The following ABLIM1 variants were observed in gnomAD, a reference collection of about 807,000 sequenced individuals.
ABLIM1 encodes actin binding LIM protein 1.
ABLIM1 carries 40 observed loss-of-function variants against 107.0 expected under a neutral mutation model. That is an observed-to-expected ratio of 0.37 (90% CI 0.29 to 0.49). The LOEUF is 0.49. Ranked by LOEUF, ABLIM1 falls within the 20% of genes least tolerant of loss-of-function variation. The pLI is 0.97. For missense variants in ABLIM1, 857 were observed against 1,008.5 expected (o/e 0.85, Z 2.04); for synonymous variants, 357 against 357.3 (o/e 1.00, Z 0.01).
Position 114,437,909 on chromosome 10 carries a change from T to C in ABLIM1, c.2158A>G (p.Met720Val), listed in dbSNP as rs2059654070. 6.2e-7 allele frequency: 1 copy of C among 1,613,992 alleles called. No individual in the cohort carries two copies. The highest frequency in any genetic ancestry group is 1.3e-5 in the African/African-American group (1 of 75,020). The change falls in exon 22 of 23, where the codon ATG (methionine) becomes GTG (valine). Residue 720 changes from methionine to valine, a missense_variant. By Grantham distance (21) the Met-to-Val change is conservative. This residue lies in a region of ABLIM1 where 193 missense variants were observed against 208.5 expected (regional missense o/e 0.93). Transcript: ENST00000533213. Reference protein sequence around the residue: ...MLEPKIFPYEMLMVTNRGRNK... With the variant: ...MLEPKIFPYEVLMVTNRGRNK... ...CGCCCTCTGTTGGTCACCATGAGCA[T>C]TTCATATGGAAATATCTGAGAAGAA... is the stretch of plus-strand genomic sequence containing the variant.
At chr10:114,752,422 G>A (rs2082535593) in intron 1 of ABLIM1, among the ~76,000 whole-genome samples, 1 of 152,170 alleles carries the variant, frequency 6.6e-6, no homozygotes, top group Non-Finnish European at 1.5e-5. Flanking sequence ...GAATTCTCAG[G>A]TTTCATTTAT....
At chr10:114,551,985 G>T (rs1565910446) in intron 4 of ABLIM1, among the ~76,000 whole-genome samples, 1 of 152,182 alleles carries the variant, frequency 6.6e-6, no homozygotes, top group East Asian at 1.9e-4. Flanking sequence ...AGGTTGGGCT[G>T]CAAATAAAGG....
intron 1 of ABLIM1, among the ~76,000 whole-genome samples, chr10:114,644,012 T>C (rs1238023989): frequency 6.6e-6 from 1 of 151,736 alleles, no homozygotes; most frequent in Non-Finnish European, 1.5e-5. Flanking sequence ...CCAGGCACAG[T>C]GGCTCATATC....
the ABLIM1 span, among the ~76,000 whole-genome samples, chr10:114,775,316 C>T: frequency 6.6e-6 from 1 of 152,124 alleles, no homozygotes; most frequent in Non-Finnish European, 1.5e-5. Context: ...GACACAGAAC[C>T]AAACCATATC....
At chr10:114,487,557 A>G (rs1032226717) in intron 8 of ABLIM1, among the ~76,000 whole-genome samples, 1 of 152,198 alleles carries the variant, frequency 6.6e-6, no homozygotes, top group Non-Finnish European at 1.5e-5. Flanking sequence ...TAAATGAGAG[A>G]CCAGTAAAAT....
chr10:114,613,032 G>A (rs2076914904), intron 1 of ABLIM1, among the ~76,000 whole-genome samples: 1 of 152,168 alleles, frequency 6.6e-6, no homozygotes, highest in African/African-American at 2.4e-5. Context: ...TCCAGCACAG[G>A]AAGTCTCCCA....
At chr10:114,639,176 C>T (rs939201111) in intron 1 of ABLIM1, among the ~76,000 whole-genome samples, 2 of 152,158 alleles carry the variant, frequency 1.3e-5, no homozygotes, top group African/African-American at 4.8e-5. Context: ...CCAAGTAAAA[C>T]ATGCAACACA....
intron 16 of ABLIM1, among the ~76,000 whole-genome samples, chr10:114,444,598 CAGAA>C (rs560571295): frequency 1.3e-3 from 198 of 151,928 alleles, no homozygotes; most frequent in Admixed American, 2.2e-3. Context: ...ATATGTCACT[CAGAA>C]ATAACACTAT....
intron 1 of ABLIM1, among the ~76,000 whole-genome samples, chr10:114,701,171 A>G (rs1412155043): frequency 6.6e-6 from 1 of 152,204 alleles, no homozygotes; most frequent in Non-Finnish European, 1.5e-5. Context: ...GCAAATGACC[A>G]TTATCCACAT....
rs565012141 is a variant in ABLIM1 at position 114,629,273 on chromosome 10, G to A, written c.245-27312C>T. Among the ~76,000 whole-genome samples the A allele has an allele frequency of 6.6e-6, 1 of 152,254 alleles. No individual in the cohort carries two copies. Among genetic ancestry groups the A allele is most frequent in the Non-Finnish European group, 1.5e-5 (1 of 68,022 alleles). On this transcript the variant is annotated intron_variant, in intron 1 of 22. Transcript: ENST00000533213. The surrounding 1 kb of genome is among the most constrained non-coding windows in gnomAD (Gnocchi z 4.0). ...CTCTAAGTGGCAAGCACAACAGGGA[G>A]TCTATGCCACTCCTCCTTGGGCCGG... is the stretch of plus-strand genomic sequence containing the variant.
intron 6 of ABLIM1, among the ~76,000 whole-genome samples, chr10:114,499,418 G>A (rs1368017246): frequency 6.6e-6 from 1 of 152,168 alleles, no homozygotes; most frequent in Non-Finnish European, 1.5e-5. Context: ...AAAGGAATAA[G>A]CAAATTGTTT....
chr10:114,629,493 A>G lies in ABLIM1; in HGVS notation c.245-27532T>C, dbSNP rs535722836. 3.9e-5 allele frequency among the ~76,000 whole-genome samples: 6 copies of G among 152,264 alleles called. No homozygotes were observed. The East Asian group carries it at 1.2e-3, about 29-fold the overall frequency. ...CGGGCCAACCTGTTTTGGTTGTTTGAAGATCTACAGTGGGGGAAACACTAA... is the reference window on the plus strand; with the variant it reads ...CGGGCCAACCTGTTTTGGTTGTTTGGAGATCTACAGTGGGGGAAACACTAA... On this transcript the variant is annotated intron_variant, in intron 1 of 22. Transcript: ENST00000533213. This position sits in a 1 kb window ranked among gnomAD's most constrained non-coding sequence, Gnocchi z 4.0.
chr10:114,730,911 A>G (rs2082059532), intron 1 of ABLIM1, among the ~76,000 whole-genome samples: 1 of 152,072 alleles, frequency 6.6e-6, no homozygotes, highest in African/African-American at 2.4e-5. Flanking sequence ...AGAATCACAC[A>G]ATATCTGATC....
intron 1 of ABLIM1, among the ~76,000 whole-genome samples, chr10:114,611,270 C>T (rs933035962): frequency 2.8e-4 from 43 of 152,254 alleles, no homozygotes; most frequent in Admixed American, 2.5e-3. Context: ...AGTCCGAGAA[C>T]AGCCTGGCCA....
At chr10:114,756,323 T>A (rs1023757911) in intron 1 of ABLIM1, among the ~76,000 whole-genome samples, 1 of 152,184 alleles carries the variant, frequency 6.6e-6, no homozygotes, top group African/African-American at 2.4e-5. Context: ...TATAGTTTCA[T>A]ATTGCTTTTT....
intron 1 of ABLIM1, among the ~76,000 whole-genome samples, chr10:114,766,889 A>G (rs1220999265): frequency 6.6e-6 from 1 of 152,182 alleles, no homozygotes; most frequent in Non-Finnish European, 1.5e-5. Flanking sequence ...AGGCATGAAT[A>G]GGCAGGTAGT....
chr10:114,623,899 G>T (rs946954085), intron 1 of ABLIM1, among the ~76,000 whole-genome samples: 2 of 152,202 alleles, frequency 1.3e-5, no homozygotes, highest in African/African-American at 4.8e-5. Context: ...ACTCACCCCT[G>T]TTCCACCCCC....
chr10:114,744,694 G>A (rs1314171334), intron 1 of ABLIM1, among the ~76,000 whole-genome samples: 6 of 152,038 alleles, frequency 3.9e-5, no homozygotes, highest in African/African-American at 7.2e-5. Flanking sequence ...ACTTATTCTC[G>A]ATTTCTGTTT....
At position 114,468,475 on chromosome 10, in the gene ABLIM1, T is replaced by C. The variant is rs180823969; in HGVS notation, c.1276-259A>G. ...ATTTTTAGTAGAGATGGGGTTTCAC[T>C]GCGTTAGTCAGGATGGTCTCTATCT... On this transcript the variant is annotated intron_variant, in intron 10 of 22. Transcript: ENST00000533213. Among the ~76,000 whole-genome samples, 187 of 152,116 alleles carry C rather than the reference T, an allele frequency of 1.2e-3. 1 individual carries two copies. The highest frequency in any genetic ancestry group is 4.3e-3 in the African/African-American group (179 of 41,550).
Sources: gnomAD v4.1 joint callset for allele counts (sites outside exome capture counted in the v4.1 genomes callset) on GRCh38, gnomAD v4.1.1 for gene constraint, gnomAD v4.1.1 regional missense constraint, Gnocchi (gnomAD v3.1) non-coding constraint, MANE v1.5 for transcripts, NCBI Gene and HGNC (gene_info 2026-07-23, HGNC 2026-07-21) for gene names.